Variants in ITGA7 observed in about 807,000 individuals in gnomAD.
The protein encoded by ITGA7 is integrin subunit alpha 7, also known as integrin alpha-7.
Under a neutral mutation model 131.6 loss-of-function variants are expected in ITGA7, and 84 were observed. The ratio of observed to expected loss-of-function variants is 0.64; its 90% CI spans 0.54 to 0.77. The LOEUF (loss-of-function observed/expected upper bound fraction) is 0.77, where lower values mean the gene tolerates loss of function less well. Ranked by LOEUF, ITGA7 falls within the 30% of genes least tolerant of loss-of-function variation. ITGA7 has a pLI of 0.00. For missense variants in ITGA7, 1,399 were observed against 1,482.9 expected, an observed-to-expected ratio of 0.94 and a Z score of 0.93; for synonymous variants, 548 against 600.7, an observed-to-expected ratio of 0.91 and a Z score of 1.28.
chr12:55,707,926 C>CG (rs1875597832), upstream of ITGA7: 1 of 1,383,808 alleles, frequency 7.2e-7, no homozygotes. Flanking sequence ...CCTCCTCTCC[C>CG]GGGGACGCCA....
intron 7 of ITGA7, 31 bp downstream of exon 7, chr12:55,698,352 C>A: frequency 6.3e-7 from 1 of 1,575,758 alleles, no homozygotes; most frequent in Admixed American, 1.8e-5. Context: ...TGGCCCCTCC[C>A]TCCCTGAGCC....
Position 55,698,406 on chromosome 12 carries a change from TC to T in ITGA7, c.1168del (p.Asp390ThrfsTer116). The T allele has an allele frequency of 6.2e-7, 1 of 1,612,874 alleles. No individual in the cohort carries two copies. The highest frequency in any genetic ancestry group is 8.5e-7 in the Non-Finnish European group (1 of 1,179,430). On this transcript the variant is annotated frameshift_variant, in exon 7 of 25. Transcript: ENST00000257879. LOFTEE classifies it high-confidence loss of function. ...ACCTGGAAAGCCATCTTGGTTGAGG[TC>T]CCCCAGGACAGCCAGGCTGATCCCG... ...MFGISLAVLG[D>X]LNQDGFPDIA...
chr12:55,707,955 C>CT, upstream of ITGA7: 1 of 1,328,858 alleles, frequency 7.5e-7, no homozygotes, highest in Non-Finnish European at 9.6e-7. Flanking sequence ...CCGCCTCCGG[C>CT]CCCGCCCCTC....
upstream of ITGA7, among the ~76,000 whole-genome samples, chr12:55,713,438 T>C (rs534602122): frequency 5.9e-5 from 9 of 152,330 alleles, no homozygotes; most frequent in Middle Eastern, 3.4e-3. Flanking sequence ...TTATGCAGTA[T>C]ACAGCGGTAA....
intron 12 of ITGA7, 136 bp downstream of exon 12, chr12:55,696,763 C>G: frequency 1.0e-6 from 1 of 995,862 alleles, no homozygotes; most frequent in South Asian, 1.4e-5. Flanking sequence ...GAAGTGAGCT[C>G]AGAAGACAGG....
rs2136002840 is a variant in ITGA7 at position 55,694,798 on chromosome 12, C to T, written c.2176G>A (p.Val726Ile). ...MLPDSLHYSG[V>I]RALDPAEKPL... ...CTCACCGCAGGGTCCAGGGCCCGGACCCCTGAGTAGTGCAGTGAGTCAGGA... is the reference window on the plus strand; with the variant it reads ...CTCACCGCAGGGTCCAGGGCCCGGATCCCTGAGTAGTGCAGTGAGTCAGGA... Residue 726 changes from valine to isoleucine, a missense_variant, in exon 15 of 25, where the codon GTC becomes ATC. Coordinates refer to ENST00000257879, the MANE Select transcript of ITGA7 (RefSeq NM_002206.3). This position sits in a 1 kb window ranked among gnomAD's most constrained non-coding sequence, Gnocchi z 5.3. 6 of 1,613,952 alleles carry T rather than the reference C, an allele frequency of 3.7e-6. No individual in the cohort carries two copies. The highest frequency in any genetic ancestry group is 4.2e-6 in the Non-Finnish European group (5 of 1,179,968).
rs763739936 is a variant in ITGA7, at chr12:55,694,086, C to A, written c.2470G>T (p.Val824Leu). The A allele has an allele frequency of 6.8e-5, 110 of 1,614,108 alleles. No individual in the cohort carries two copies. Among genetic ancestry groups the A allele is most frequent in the Non-Finnish European group, 9.2e-5 (109 of 1,180,034 alleles). Residue 824 changes from valine to leucine, a missense_variant, in exon 19 of 25, where the codon GTG (valine) becomes TTG (leucine). Val to Leu is a conservative substitution (Grantham distance 32). Transcript: ENST00000257879. The surrounding 1 kb of genome is among the most constrained non-coding windows in gnomAD (Gnocchi z 5.3). ...IPQQLFFSGV[V>L]RGERAMQSER... The stretch of plus-strand genomic sequence containing the variant: ...GACTGCATGGCTCTCTCGCCCCTCA[C>A]CACACCAGAGAAGAAGAGTTGCTGG...
At chr12:55,696,835 G>A in intron 12 of ITGA7, 64 bp downstream of exon 12, 2 of 1,578,460 alleles carry the variant, frequency 1.3e-6, no homozygotes, top group Non-Finnish European at 1.7e-6. Context: ...GCAGCTAAGA[G>A]GAATCAGGGA....
At position 55,688,937 on chromosome 12, in the gene ITGA7, G is replaced by A. The variant is rs1275555874; in HGVS notation, c.2865C>T (p.Ala955=). The change falls in exon 22 of 25, where the codon GCC becomes GCT. Residue 955 remains alanine, a synonymous_variant. Coordinates refer to ENST00000257879, the MANE Select transcript of ITGA7 (RefSeq NM_002206.3). ...GTGGGCAGCTGAACACCACACAGTT[G>A]GCCGTGCCCCGGGCGCAGTCCTAGG... ...NITLDCARGT[A]NCVVFSCPLY... is the part of the protein sequence containing the mutation. 1 of 1,613,922 alleles carries A rather than the reference G, an allele frequency of 6.2e-7. No individual in the cohort carries two copies. Among genetic ancestry groups the A allele is most frequent in the Admixed American group, 1.7e-5 (1 of 59,998 alleles).
At chr12:55,692,784 C>CCCTTCCTGGA in intron 21 of ITGA7, 60 bp downstream of exon 21, 1 of 1,549,994 alleles carries the variant, frequency 6.5e-7, no homozygotes, top group Non-Finnish European at 8.7e-7. Flanking sequence ...TCAACAGGTA[C>CCCTTCCTGGA]CCTTCCTGGA....
upstream of ITGA7, among the ~76,000 whole-genome samples, chr12:55,711,753 G>C (rs529605687): frequency 1.3e-5 from 2 of 152,322 alleles, no homozygotes; most frequent in East Asian, 3.9e-4. Flanking sequence ...TTTAGACGTT[G>C]AGAAATGTCC....
upstream of ITGA7, chr12:55,707,999 C>T: frequency 8.1e-7 from 1 of 1,237,422 alleles, no homozygotes; most frequent in Non-Finnish European, 1.0e-6. Flanking sequence ...AAGCCCGTCT[C>T]CAAGGGGATG....
rs570999139 is a variant in ITGA7 at position 55,696,965 on chromosome 12, G to C, written c.1671C>G (p.Ala557=). 1.2e-6 allele frequency: 2 copies of C among 1,614,170 alleles called. No homozygotes were observed. The highest frequency in any genetic ancestry group is 2.2e-5 in the South Asian group (2 of 91,078). ...SRNLEEPKHQ[A]SGTVWLKHQH... ...GGTGCTTCAGCCACACGGTGCCCGA[G>C]GCCTGGTGCTTGGGTTCTTCCAGGT... is the stretch of plus-strand genomic sequence containing the variant. The change falls in exon 12 of 25, where the codon GCC becomes GCG. Residue 557 remains alanine (A), a synonymous_variant. Coordinates refer to ENST00000257879, the MANE Select transcript of ITGA7 (RefSeq NM_002206.3).
rs1875550360 is a variant in ITGA7, at chr12:55,707,757, C to G, written c.-75G>C. On this transcript the variant is annotated 5_prime_UTR_variant, in exon 1 of 25. Transcript: ENST00000257879. Reference sequence around the variant, plus strand: ...GCCCCAAGCCCCAGGTCCCCCCAGGCGCGTCTCTGGTCTCCAAAGTCTCGT... The same window carrying G: ...GCCCCAAGCCCCAGGTCCCCCCAGGGGCGTCTCTGGTCTCCAAAGTCTCGT... 1 of 1,547,508 alleles carries G rather than the reference C, an allele frequency of 6.5e-7. No individual in the cohort carries two copies. The highest frequency in any genetic ancestry group is 8.7e-7 in the Non-Finnish European group (1 of 1,145,654).
At chr12:55,695,341 GC>G in intron 14 of ITGA7, 180 bp downstream of exon 14, 1 of 610,778 alleles carries the variant, frequency 1.6e-6, no homozygotes, top group Non-Finnish European at 2.9e-6. Context: ...TGCCATGGGA[GC>G]CCCCGTGGCC....
In ITGA7 at chr12:55,694,230, G is replaced by A; in HGVS notation, c.2432+26C>T. 6.2e-7 allele frequency: 1 copy of A among 1,613,870 alleles called. No homozygotes were observed. Among genetic ancestry groups the A allele is most frequent in the Non-Finnish European group, 8.5e-7 (1 of 1,179,800 alleles). The stretch of plus-strand genomic sequence containing the variant: ...ATGTCAATGCCCCCTCCCTCCAATG[G>A]AGGTGCCCCCTTGGGCCAGGCTCAC... On this transcript the variant is annotated intron_variant, in intron 18 of 24. Coordinates refer to ENST00000257879, the MANE Select transcript of ITGA7 (RefSeq NM_002206.3). This position sits in a 1 kb window ranked among gnomAD's most constrained non-coding sequence, Gnocchi z 5.3.
chr12:55,695,487 C>T (rs754627156), intron 14 of ITGA7, 35 bp downstream of exon 14: 2 of 1,187,042 alleles, frequency 1.7e-6, no homozygotes, highest in Non-Finnish European at 2.5e-6. Context: ...GAACTCTTGC[C>T]CTCCCACCCC....
At chr12:55,714,753 C>CATACATATATACACATATATACGT (rs1876388313), upstream of ITGA7, among the ~76,000 whole-genome samples, 1 of 150,310 alleles carries the variant, frequency 6.7e-6, no homozygotes, top group Admixed American at 6.6e-5. Context: ...TATACGTATA[C>CATACATATATACACATATATACGT]ATACATATAT....
chr12:55,700,045 A>T, intron 4 of ITGA7, 56 bp from the exon 5 acceptor site: 1 of 1,600,030 alleles, frequency 6.2e-7, no homozygotes, highest in Non-Finnish European at 8.6e-7. Flanking sequence ...GGGGCCACAG[A>T]GTAGGGAGAC....
Sources: gnomAD v4.1 joint callset for allele counts (sites outside exome capture counted in the v4.1 genomes callset) on GRCh38, gnomAD v4.1.1 for gene constraint, Gnocchi (gnomAD v3.1) non-coding constraint, MANE v1.5 for transcripts, NCBI Gene and HGNC (gene_info 2026-07-23, HGNC 2026-07-21) for gene names.